Variants in CATSPERD observed in about 807,000 individuals in gnomAD.
CATSPERD encodes catsper channel auxiliary subunit delta.
In CATSPERD, 86 loss-of-function variants were observed where a neutral mutation model predicts 98.1. The observed-to-expected ratio is 0.88, with a 90% CI of 0.74 to 1.05. CATSPERD has a LOEUF of 1.05. CATSPERD is among the 50% of genes least tolerant of loss of function. The pLI, the probability that CATSPERD is intolerant of heterozygous loss-of-function variation, is 0.00. For synonymous variants in CATSPERD, 394 were observed against 390.2 expected (o/e 1.01, Z -0.12); for missense variants, 995 against 1,005.7 (o/e 0.99, Z 0.14).
chr19:5,776,017 C>A, intron 20 of CATSPERD, 144 bp from the exon 21 acceptor site: 1 of 804,252 alleles, frequency 1.2e-6, no homozygotes, highest in Non-Finnish European at 2.0e-6. Flanking sequence ...AACCTGCCCA[C>A]ACCATGGGCA....
At chr19:5,732,464 ACT>A (rs79541962) in intron 4 of CATSPERD, among the ~76,000 whole-genome samples, 54,935 of 149,336 alleles carry the variant, frequency 0.37, 10,377 homozygotes, top group Non-Finnish European at 0.43. Context: ...ACGGAGTCTC[ACT>A]CTGTCGCCTA....
intron 5 of CATSPERD, 46 bp from the exon 6 acceptor site, chr19:5,737,092 A>G: frequency 7.5e-7 from 1 of 1,335,038 alleles, no homozygotes; most frequent in Non-Finnish European, 1.1e-6. Flanking sequence ...TTTTCTCCAA[A>G]CTTCAGGGAA....
rs768914128 is a variant in CATSPERD, at chr19:5,733,919, C to G, written c.340C>G (p.Gln114Glu). ...TTCGTTATTGCTGTTAGTAGTGGATCAAAAAGTCTATATTTATGATTATGA... is the reference window on the plus strand; with the variant it reads ...TTCGTTATTGCTGTTAGTAGTGGATGAAAAAGTCTATATTTATGATTATGA... The part of the protein sequence containing the change: ...AGSLLLLVVD[Q>E]KVYIYDYENN... Residue 114 changes from glutamine to glutamate, a missense_variant, in exon 5 of 22, where the codon CAA becomes GAA. Physicochemically the swap from Gln to Glu is conservative, Grantham distance 29. Transcript: ENST00000381624. The G allele has an allele frequency of 1.9e-6, 3 of 1,611,762 alleles. No individual in the cohort carries two copies. Among genetic ancestry groups the G allele is most frequent in the Middle Eastern group, 1.7e-4 (1 of 6,012 alleles).
chr19:5,770,771 C>T (rs2056628893), intron 18 of CATSPERD, among the ~76,000 whole-genome samples, 173 bp from the exon 19 acceptor site: 1 of 152,066 alleles, frequency 6.6e-6, no homozygotes, highest in Non-Finnish European at 1.5e-5. Context: ...TTAACTAGAA[C>T]AGAAGTTCCA....
intron 2 of CATSPERD, among the ~76,000 whole-genome samples, chr19:5,726,920 G>A (rs769471023): frequency 6.6e-6 from 1 of 152,134 alleles, no homozygotes; most frequent in African/African-American, 2.4e-5. Context: ...CTGGCCGGAC[G>A]TGGTGGCTCA....
intron 8 of CATSPERD, among the ~76,000 whole-genome samples, chr19:5,745,247 G>A (rs11879990): frequency 0.39 from 59,527 of 151,908 alleles, 11,989 homozygotes; most frequent in Non-Finnish European, 0.44. Flanking sequence ...CACTGCGCCT[G>A]GCCCAATGGT....
intron 4 of CATSPERD, among the ~76,000 whole-genome samples, chr19:5,732,983 GT>G (rs143354887): frequency 6.6e-6 from 1 of 150,960 alleles, no homozygotes; most frequent in African/African-American, 2.4e-5. Context: ...GGCCATAAAT[GT>G]TTTTTTTCTT....
Position 5,739,333 on chromosome 19 carries a change from G to T in CATSPERD, c.467G>T (p.Ser156Ile). The T allele has an allele frequency of 6.7e-7, 1 of 1,490,020 alleles. No individual in the cohort carries two copies. Among genetic ancestry groups the T allele is most frequent in the Non-Finnish European group, 9.2e-7 (1 of 1,081,168 alleles). 92.3% of individuals were successfully genotyped at this position (1,490,020 alleles called of 1,614,324 possible). Reference sequence around the variant, plus strand: ...TCTTTTTTTTTTTTATAGCATGTCAGTAATTTGGTTTTTGCATATTTCCGT... The same window carrying T: ...TCTTTTTTTTTTTTATAGCATGTCATTAATTTGGTTTTTGCATATTTCCGT... ...YTGSLFCVHVSNLVFAYFRGD... is the reference protein window; with the variant it reads ...YTGSLFCVHVINLVFAYFRGD... The change falls in exon 7 of 22, where the codon AGT becomes ATT. Residue 156 changes from serine to isoleucine, a missense_variant. Around this residue, in one of 3 missense-constraint regions of CATSPERD, gnomAD observed 228 missense variants for 209.6 expected, o/e 1.09. Coordinates refer to ENST00000381624, the MANE Select transcript of CATSPERD (RefSeq NM_152784.4).
chr19:5,759,009 C>G (rs2056382326), intron 14 of CATSPERD, 77 bp from the exon 15 acceptor site: 5 of 1,271,584 alleles, frequency 3.9e-6, no homozygotes, highest in Non-Finnish European at 4.5e-6. Flanking sequence ...AACACCCCAT[C>G]TCTCCCAATG....
chr19:5,724,780 G>T, intron 1 of CATSPERD, 28 bp from the exon 2 acceptor site: 1 of 1,610,228 alleles, frequency 6.2e-7, no homozygotes, highest in South Asian at 1.1e-5. Context: ...AATAAAAATT[G>T]ACAGATGGTC....
At chr19:5,740,388 G>C (rs2055935715) in intron 7 of CATSPERD, among the ~76,000 whole-genome samples, 1 of 151,314 alleles carries the variant, frequency 6.6e-6, no homozygotes, top group Non-Finnish European at 1.5e-5. Flanking sequence ...AGGAGTTCGA[G>C]ACCAGCCTGA....
intron 11 of CATSPERD, among the ~76,000 whole-genome samples, chr19:5,749,803 ATTTT>A (rs199802101): frequency 7.4e-6 from 1 of 134,988 alleles, no homozygotes. Context: ...TGCCTATCTA[ATTTT>A]TTTTTTTTTT....
intron 2 of CATSPERD, among the ~76,000 whole-genome samples, chr19:5,725,591 G>A (rs531522856): frequency 1.8e-4 from 27 of 152,004 alleles, no homozygotes; most frequent in Admixed American, 8.5e-4. Flanking sequence ...GTTCAAATTC[G>A]TTTCCTATTG....
chr19:5,734,866 AG>A (rs2055811970), intron 5 of CATSPERD, among the ~76,000 whole-genome samples: 1 of 151,760 alleles, frequency 6.6e-6, no homozygotes, highest in African/African-American at 2.4e-5. Flanking sequence ...GGGGAGGACC[AG>A]GGAAAACTGA....
chr19:5,747,616 T>C (rs924038953), intron 9 of CATSPERD, among the ~76,000 whole-genome samples: 2 of 142,634 alleles, frequency 1.4e-5, no homozygotes, highest in African/African-American at 2.6e-5. Context: ...TTTTCTTTTT[T>C]TTTTTTTTTT....
At chr19:5,749,658 A>T (rs1340901718) in intron 11 of CATSPERD, among the ~76,000 whole-genome samples, 1 of 152,064 alleles carries the variant, frequency 6.6e-6, no homozygotes, top group Non-Finnish European at 1.5e-5. Context: ...CTTGACCATC[A>T]TCTTAGGAAG....
At chr19:5,725,311 G>A (rs1045783182) in intron 2 of CATSPERD, among the ~76,000 whole-genome samples, 10 of 151,942 alleles carry the variant, frequency 6.6e-5, no homozygotes, top group African/African-American at 9.7e-5. Flanking sequence ...GCCACCATGC[G>A]CAGCTAATTT....
intron 7 of CATSPERD, among the ~76,000 whole-genome samples, chr19:5,740,458 A>G (rs1172777416): frequency 1.3e-5 from 2 of 151,486 alleles, no homozygotes; most frequent in African/African-American, 4.9e-5. Context: ...GTGGTGCCTC[A>G]TGCCTGTAAT....
At chr19:5,745,306 T>G (rs1226533212) in intron 8 of CATSPERD, among the ~76,000 whole-genome samples, 1 of 152,100 alleles carries the variant, frequency 6.6e-6, no homozygotes, top group African/African-American at 2.4e-5. Flanking sequence ...TGAGATAGTT[T>G]ACATTTTTCT....
Sources: gnomAD v4.1 joint callset for allele counts (sites outside exome capture counted in the v4.1 genomes callset) on GRCh38, gnomAD v4.1.1 for gene constraint, gnomAD v4.1.1 regional missense constraint, MANE v1.5 for transcripts, NCBI Gene and HGNC (gene_info 2026-07-23, HGNC 2026-07-21) for gene names.